Variants in EVI5 observed in about 807,000 individuals in gnomAD.
EVI5 encodes ecotropic viral integration site 5 protein homolog.
In EVI5, 73 loss-of-function variants were observed where a neutral mutation model predicts 112.0. That is an observed-to-expected ratio of 0.65 (90% CI 0.54 to 0.79). The LOEUF is 0.79. Among genes scored for constraint, EVI5 ranks in the 30% least tolerant of loss-of-function variants. EVI5 has a pLI of 0.00. For synonymous variants in EVI5, 305 were observed against 319.9 expected (o/e 0.95, Z 0.50); for missense variants, 900 against 968.8 (o/e 0.93, Z 0.94).
intron 19 of EVI5, among the ~76,000 whole-genome samples, chr1:92,557,458 A>ATTAT (rs918294767): frequency 5.3e-5 from 8 of 150,532 alleles, no homozygotes; most frequent in African/African-American, 2.0e-4. Context: ...TAATTTTTGT[A>ATTAT]TTATTTATTT....
chr1:92,707,302 C>T (rs1311305071), intron 2 of EVI5, among the ~76,000 whole-genome samples: 1 of 151,114 alleles, frequency 6.6e-6, no homozygotes, highest in Non-Finnish European at 1.5e-5. Flanking sequence ...AAAAACTGGA[C>T]TTCACCGAAA....
chr1:92,601,258 G>A (rs953164463), intron 18 of EVI5, among the ~76,000 whole-genome samples: 3 of 152,196 alleles, frequency 2.0e-5, no homozygotes, highest in Non-Finnish European at 2.9e-5. Context: ...AAGTGCTGGA[G>A]AGGATGTGGT....
chr1:92,631,019 G>C (rs143861696), intron 14 of EVI5, among the ~76,000 whole-genome samples: 3,053 of 152,228 alleles, frequency 0.02, 56 homozygotes, highest in Non-Finnish European at 0.029. Context: ...CCATTGGTCT[G>C]TTCTGTTCCA....
intron 2 of EVI5, among the ~76,000 whole-genome samples, chr1:92,726,251 C>G (rs1036707566): frequency 6.6e-6 from 1 of 152,116 alleles, no homozygotes; most frequent in African/African-American, 2.4e-5. Flanking sequence ...AACAATGACA[C>G]CTCAGAATCA....
chr1:92,567,568 G>T (rs1482129477), intron 18 of EVI5, among the ~76,000 whole-genome samples: 7 of 152,032 alleles, frequency 4.6e-5, no homozygotes, highest in Non-Finnish European at 4.4e-5. Flanking sequence ...ATTCAGTAGA[G>T]TAACATGTTG....
At chr1:92,669,560 A>AAAAAAAAAAAAAAAAAAAAAAAAC in intron 10 of EVI5, among the ~76,000 whole-genome samples, 1 of 150,308 alleles carries the variant, frequency 6.7e-6, no homozygotes, top group African/African-American at 2.4e-5. Context: ...AAAAAAAAAA[A>AAAAAAAAAAAAAAAAAAAAAAAAC]ATCACTGGGA....
At chr1:92,662,996 C>T in intron 12 of EVI5, 131 bp from the exon 13 acceptor site, 1 of 388,386 alleles carries the variant, frequency 2.6e-6, no homozygotes, top group Non-Finnish European at 3.9e-6. Context: ...ATAGAACAGC[C>T]TACGTAATCA....
intron 2 of EVI5, among the ~76,000 whole-genome samples, chr1:92,709,404 T>G (rs956127546): frequency 6.6e-6 from 1 of 152,214 alleles, no homozygotes; most frequent in African/African-American, 2.4e-5. Flanking sequence ...GCACTAGGGA[T>G]AGTAAAAATT....
At chr1:92,588,073 A>T (rs1010508408) in intron 18 of EVI5, among the ~76,000 whole-genome samples, 3 of 152,240 alleles carry the variant, frequency 2.0e-5, no homozygotes, top group African/African-American at 7.2e-5. Flanking sequence ...AAAGTCTTCA[A>T]ATAATAAATA....
rs202051341 is a variant in EVI5, at chr1:92,560,130, C to T, written c.2166+3512G>A. 3.3e-5 allele frequency among the ~76,000 whole-genome samples: 5 copies of T among 152,074 alleles called. No homozygotes were observed. In the East Asian group the frequency reaches 5.8e-4, roughly 18 times the overall value. ...CACTTAAAGCAATGTTCTTAACAGA[C>T]CAACTGGAAATAATCCAAATGTTCA... On this transcript the variant is annotated intron_variant, in intron 19 of 19. Transcript: ENST00000684568.
At chr1:92,724,049 T>A (rs1675175785) in intron 2 of EVI5, among the ~76,000 whole-genome samples, 1 of 152,156 alleles carries the variant, frequency 6.6e-6, no homozygotes, top group South Asian at 2.1e-4. Context: ...ATCAAGACAA[T>A]GCGTGCACAG....
At chr1:92,649,387 T>C (rs961175602) in intron 13 of EVI5, among the ~76,000 whole-genome samples, 2 of 152,256 alleles carry the variant, frequency 1.3e-5, no homozygotes, top group African/African-American at 2.4e-5. Flanking sequence ...GTCCAGTTTA[T>C]CTTTTGTTGC....
At chr1:92,647,451 CT>C in intron 13 of EVI5, 1 of 392,572 alleles carries the variant, frequency 2.5e-6, no homozygotes, top group Non-Finnish European at 4.9e-6. Context: ...CTTTATCTGC[CT>C]TTGTCATTTC....
In EVI5 at chr1:92,621,676, C is replaced by CAT. The variant is rs529060734; in HGVS notation, c.1827+2498_1827+2499dup. Among the ~76,000 whole-genome samples the CAT allele has an allele frequency of 1.3e-4, 20 of 152,224 alleles. No individual in the cohort carries two copies. The East Asian group carries it at 3.5e-3, about 26-fold the overall frequency. On this transcript the variant is annotated intron_variant, in intron 16 of 19. Coordinates refer to ENST00000684568, the MANE Select transcript of EVI5 (RefSeq NM_001350197.2). ...ATAAAATTGACCTCCCTCAAGTGTA[C>CAT]ATATATTCAGTGGTTTTTAGCCTAT...
chr1:92,759,575 C>T (rs1315658586), intron 1 of EVI5, among the ~76,000 whole-genome samples: 5 of 152,062 alleles, frequency 3.3e-5, no homozygotes, highest in African/African-American at 1.2e-4. Flanking sequence ...GCATTCTTTC[C>T]AAAACTTTTT....
chr1:92,612,922 C>T (rs1474595874), intron 16 of EVI5, among the ~76,000 whole-genome samples: 3 of 152,116 alleles, frequency 2.0e-5, no homozygotes, highest in Non-Finnish European at 2.9e-5. Flanking sequence ...AGGCAGCAGA[C>T]TTAGAGTCTA....
chr1:92,734,845 T>A (rs2145825), intron 2 of EVI5, among the ~76,000 whole-genome samples: 140,855 of 151,926 alleles, frequency 0.93, 65,401 homozygotes, highest in East Asian at 0.97. Flanking sequence ...AATTTTTTTT[T>A]AAAAATCAAA....
chr1:92,704,254 T>C (rs1411461819), intron 3 of EVI5, among the ~76,000 whole-genome samples: 1 of 152,164 alleles, frequency 6.6e-6, no homozygotes, highest in Admixed American at 6.5e-5. Context: ...TTCGAGGTTA[T>C]AGTGAGCTAT....
intron 16 of EVI5, among the ~76,000 whole-genome samples, chr1:92,613,916 T>C (rs1243067064): frequency 1.3e-5 from 2 of 152,114 alleles, no homozygotes; most frequent in African/African-American, 2.4e-5. Context: ...ATCAGAACAA[T>C]AGAAAACACT....
Sources: allele counts gnomAD v4.1 joint callset (sites outside exome capture counted in the v4.1 genomes callset), GRCh38; gene constraint gnomAD v4.1.1; transcripts MANE v1.5; gene names NCBI Gene and HGNC (gene_info 2026-07-23, HGNC 2026-07-21).